CACNA1A: variants seen among roughly 807,000 people sequenced by gnomAD.
The protein encoded by CACNA1A is voltage-dependent P/Q-type calcium channel subunit alpha-1A.
In CACNA1A, 57 loss-of-function variants were observed where a neutral mutation model predicts 262.4. The observed-to-expected ratio is 0.22, with a 90% confidence interval of 0.18 to 0.27. CACNA1A has a LOEUF of 0.27. Ranked by LOEUF, CACNA1A falls within the 10% of genes least tolerant of loss-of-function variation. The probability of loss-of-function intolerance (pLI) is 1.00; values close to 1 mark genes in which losing one functional copy is unlikely to be tolerated. For missense variants in CACNA1A, 2,526 were observed against 3,562.8 expected (o/e 0.71, Z 7.41); for synonymous variants, 1,431 against 1,419.3 (o/e 1.01, Z -0.18).
At chr19:13,404,470 C>G (rs1463572095) in intron 3 of CACNA1A, among the ~76,000 whole-genome samples, 1 of 152,158 alleles carries the variant, frequency 6.6e-6, no homozygotes, top group Non-Finnish European at 1.5e-5. Context: ...TCAACAACAG[C>G]ACCAGGTGTG....
intron 1 of CACNA1A, among the ~76,000 whole-genome samples, chr19:13,488,648 C>T (rs2145116044): frequency 6.6e-6 from 1 of 152,062 alleles, no homozygotes; most frequent in East Asian, 1.9e-4. Flanking sequence ...GATCCACCCG[C>T]CTTGGCCTCT....
intron 24 of CACNA1A, among the ~76,000 whole-genome samples, chr19:13,266,749 A>G (rs909311062): frequency 1.2e-4 from 18 of 151,884 alleles, no homozygotes; most frequent in African/African-American, 4.4e-4. Context: ...AATTTTTTGC[A>G]TTTTTAGTAG....
At chr19:13,454,559 A>G (rs997487196) in intron 2 of CACNA1A, among the ~76,000 whole-genome samples, 4 of 151,902 alleles carry the variant, frequency 2.6e-5, no homozygotes. Flanking sequence ...TTTAGTAGAG[A>G]CGGGCTTTCA....
intron 31 of CACNA1A, among the ~76,000 whole-genome samples, chr19:13,240,637 GTC>G (rs1364106259): frequency 6.6e-6 from 1 of 151,756 alleles, no homozygotes; most frequent in Non-Finnish European, 1.5e-5. Flanking sequence ...TGTGTGCAGT[GTC>G]TGCGCAGTGA....
chr19:13,417,624 C>T (rs2060245660), intron 3 of CACNA1A, among the ~76,000 whole-genome samples: 1 of 152,162 alleles, frequency 6.6e-6, no homozygotes, highest in African/African-American at 2.4e-5. Context: ...TGTGGTGGCT[C>T]ATGCCTGTAA....
At chr19:13,337,730 ACAT>A (rs749227662) in intron 6 of CACNA1A, among the ~76,000 whole-genome samples, 1 of 152,186 alleles carries the variant, frequency 6.6e-6, no homozygotes, top group Non-Finnish European at 1.5e-5. Flanking sequence ...CAATGGGCAT[ACAT>A]TCTGAAAAAT....
chr19:13,283,880 G>C (rs943181571), intron 21 of CACNA1A: 4 of 152,922 alleles, frequency 2.6e-5, no homozygotes, highest in African/African-American at 7.3e-5. Flanking sequence ...CGTAATACTA[G>C]TGCTTACTTC....
At chr19:13,463,463 T>G (rs1006110851) in intron 1 of CACNA1A, among the ~76,000 whole-genome samples, 4 of 152,184 alleles carry the variant, frequency 2.6e-5, no homozygotes, top group African/African-American at 9.6e-5. Context: ...AGGGATGGCA[T>G]GCTAACAAGG....
chr19:13,480,345 T>C (rs1979122398), intron 1 of CACNA1A, among the ~76,000 whole-genome samples: 3 of 152,360 alleles, frequency 2.0e-5, no homozygotes, highest in South Asian at 4.1e-4. Context: ...AATTAATGAA[T>C]AGTAAATATA....
At chr19:13,260,943 A>G (rs2056720574) in intron 26 of CACNA1A, 1 of 152,618 alleles carries the variant, frequency 6.6e-6, no homozygotes. Context: ...GAGCCACTGC[A>G]CCTGGCCTCT....
At position 13,207,728 on chromosome 19, in the gene CACNA1A, C is replaced by A; in HGVS notation, c.7106G>T (p.Arg2369Met). 1 of 1,369,930 alleles carries A rather than the reference C, an allele frequency of 7.3e-7. No individual in the cohort carries two copies. The highest frequency in any genetic ancestry group is 1.7e-5 in the South Asian group (1 of 57,896). 84.9% of individuals were successfully genotyped at this position (1,369,930 alleles called of 1,614,324 possible). A position where few individuals can be genotyped will look rare whatever the true frequency, so the allele number is the denominator to read the frequency against. The stretch of plus-strand genomic sequence containing the variant: ...GCTCCGGGCCGGGCCTGGGACCCGC[C>A]TCTCCATCCTGGGCGAGCGGCCGCT... The part of the protein sequence containing the change: ...HSSGRSPRME[R>M]RVPGPARSES... The change falls in exon 47 of 47, where the codon AGG becomes ATG. Residue 2369 changes from arginine (R) to methionine (M), a missense_variant. Physicochemically the swap from Arg to Met is moderately conservative, Grantham distance 91. This residue lies in a region of CACNA1A where 929 missense variants were observed against 868.1 expected (regional missense o/e 1.07). Transcript: ENST00000360228. This position sits in a 1 kb window ranked among gnomAD's most constrained non-coding sequence, Gnocchi z 5.7.
intron 19 of CACNA1A, among the ~76,000 whole-genome samples, chr19:13,298,297 ATT>A (rs928343595): frequency 6.7e-6 from 1 of 149,272 alleles, no homozygotes; most frequent in Non-Finnish European, 1.5e-5. Flanking sequence ...TGCCCGGCTA[ATT>A]TTTGTATTTT....
At position 13,493,226 on chromosome 19, in the gene CACNA1A, T is replaced by C. The variant is rs573651715; in HGVS notation, c.293+12706A>G. On this transcript the variant is annotated intron_variant, in intron 1 of 46. Coordinates refer to ENST00000360228, the MANE Select transcript of CACNA1A (RefSeq NM_001127222.2). ...CCCAGCTAGGAAGACAAACTGTAAATTAAATTTAAGTCACCCAAAAACCCT... is the reference window on the plus strand; with the variant it reads ...CCCAGCTAGGAAGACAAACTGTAAACTAAATTTAAGTCACCCAAAAACCCT... Among the ~76,000 whole-genome samples, 51 of 152,294 alleles carry C rather than the reference T, an allele frequency of 3.3e-4. No homozygotes were observed. In the South Asian group the frequency reaches 8.5e-3, roughly 25 times the overall value.
intron 6 of CACNA1A, among the ~76,000 whole-genome samples, chr19:13,337,604 G>C (rs958578756): frequency 5.3e-5 from 8 of 152,168 alleles, no homozygotes; most frequent in Non-Finnish European, 1.2e-4. Context: ...TGAGGTACTG[G>C]GGGTTAGGAC....
At chr19:13,228,539 G>C (rs865867686) in intron 36 of CACNA1A, 60 of 225,660 alleles carry the variant, frequency 2.7e-4, no homozygotes, top group African/African-American at 1.4e-3. Flanking sequence ...CATTCTGTTG[G>C]CTAAGAGAGT....
At chr19:13,337,253 A>G (rs951230642) in intron 6 of CACNA1A, among the ~76,000 whole-genome samples, 4 of 152,190 alleles carry the variant, frequency 2.6e-5, no homozygotes, top group Admixed American at 2.6e-4. Context: ...TCCAAGCTCA[A>G]GGTGTCAGAA....
chr19:13,393,831 T>C (rs949125734), intron 3 of CACNA1A, among the ~76,000 whole-genome samples: 3 of 119,840 alleles, frequency 2.5e-5, no homozygotes, highest in African/African-American at 8.9e-5. Context: ...TCTCTCTCTC[T>C]CTCTCTTCCC....
chr19:13,212,095 G>A lies in CACNA1A; in HGVS notation c.6303+8C>T. The A allele has an allele frequency of 6.3e-7, 1 of 1,596,002 alleles. No individual in the cohort carries two copies. ...GTCCAGCCCCAGGGCAGTGGTGAAAGCCCTCACCTGGTTCTCTGCAGGGAG... is the reference window on the plus strand; with the variant it reads ...GTCCAGCCCCAGGGCAGTGGTGAAAACCCTCACCTGGTTCTCTGCAGGGAG... On this transcript the variant is annotated splice_region_variant and intron_variant, in intron 43 of 46. Transcript: ENST00000360228. This position sits in a 1 kb window ranked among gnomAD's most constrained non-coding sequence, Gnocchi z 5.6.
chr19:13,309,884 T>C (rs899347082), intron 12 of CACNA1A, among the ~76,000 whole-genome samples: 3 of 152,148 alleles, frequency 2.0e-5, no homozygotes, highest in Admixed American at 1.3e-4. Context: ...TTTAGGTACA[T>C]GCACAATATT....
Sources: gnomAD v4.1 joint callset for allele counts (sites outside exome capture counted in the v4.1 genomes callset) on GRCh38, gnomAD v4.1.1 for gene constraint, gnomAD v4.1.1 regional missense constraint, Gnocchi (gnomAD v3.1) non-coding constraint, MANE v1.5 for transcripts, NCBI Gene and HGNC (gene_info 2026-07-23, HGNC 2026-07-21) for gene names.